SOX6: variants seen among roughly 807,000 people sequenced by gnomAD.
The protein encoded by SOX6 is transcription factor SOX-6.
Under a neutral mutation model 97.8 loss-of-function variants are expected in SOX6, and 11 were observed. That is an observed-to-expected ratio of 0.11 (90% CI 0.07 to 0.19). The LOEUF is 0.19. SOX6 is among the 10% of genes least tolerant of loss of function. The pLI is 1.00. For synonymous variants in SOX6, 360 were observed against 371.4 expected, an observed-to-expected ratio of 0.97 and a Z score of 0.35; for missense variants, 810 against 1,039.5, an observed-to-expected ratio of 0.78 and a Z score of 3.04.
chr11:16,518,142 A>C (rs1366035683), intron 4 of SOX6, among the ~76,000 whole-genome samples: 1 of 152,164 alleles, frequency 6.6e-6, no homozygotes, highest in Admixed American at 6.5e-5. Flanking sequence ...GTCCTGTTAA[A>C]GGCTTTCATA....
At chr11:16,642,101 G>C (rs1246596520) in intron 3 of SOX6, among the ~76,000 whole-genome samples, 3 of 152,224 alleles carry the variant, frequency 2.0e-5, no homozygotes, top group South Asian at 4.2e-4. Context: ...GGGCAGGCCT[G>C]GTGGTGACAA....
At chr11:16,693,315 A>G (rs898577382) in intron 3 of SOX6, among the ~76,000 whole-genome samples, 1 of 152,072 alleles carries the variant, frequency 6.6e-6, no homozygotes, top group African/African-American at 2.4e-5. Flanking sequence ...CTCATTATTT[A>G]TCTTTGGTGG....
At chr11:16,494,341 A>T (rs1860559714) in intron 4 of SOX6, among the ~76,000 whole-genome samples, 1 of 152,158 alleles carries the variant, frequency 6.6e-6, no homozygotes. Context: ...CCGCCATTGC[A>T]CTCCAGCCTG....
intron 15 of SOX6, among the ~76,000 whole-genome samples, chr11:15,979,039 T>C (rs559121163): frequency 1.6e-5 from 1 of 63,986 alleles, no homozygotes; most frequent in South Asian, 4.0e-4. Flanking sequence ...TATATATATT[T>C]TACATATATA....
At chr11:16,487,729 G>A (rs552043843) in intron 4 of SOX6, among the ~76,000 whole-genome samples, 41 of 152,280 alleles carry the variant, frequency 2.7e-4, no homozygotes, top group African/African-American at 9.4e-4. Flanking sequence ...ATTAAATCAA[G>A]ATAAATTTAA....
intron 3 of SOX6, among the ~76,000 whole-genome samples, chr11:16,284,492 T>C (rs981404608): frequency 6.6e-6 from 1 of 152,172 alleles, no homozygotes; most frequent in African/African-American, 2.4e-5. Flanking sequence ...TTCTATTATA[T>C]AGTTTAACAT....
intron 4 of SOX6, among the ~76,000 whole-genome samples, chr11:16,483,822 G>A (rs560180302): frequency 9.8e-5 from 15 of 152,330 alleles, no homozygotes; most frequent in African/African-American, 3.6e-4. Flanking sequence ...GTTGAGTGAG[G>A]TGGTCATATC....
chr11:16,349,689 G>GAAGA (rs1856867615), intron 1 of SOX6, among the ~76,000 whole-genome samples: 1 of 58,164 alleles, frequency 1.7e-5, no homozygotes, highest in African/African-American at 5.6e-5. Context: ...AGGAAGGAAG[G>GAAGA]AAGGAAGGAA....
chr11:16,106,770 G>C (rs1849098502), intron 7 of SOX6, among the ~76,000 whole-genome samples: 2 of 151,988 alleles, frequency 1.3e-5, no homozygotes, highest in South Asian at 4.1e-4. Flanking sequence ...AAGAACTTTA[G>C]TGTATAAAAA....
intron 1 of SOX6, among the ~76,000 whole-genome samples, chr11:16,440,332 G>T (rs1010597806): frequency 3.3e-5 from 5 of 152,154 alleles, no homozygotes. Context: ...AAATTACCAT[G>T]TTATTATATG....
At chr11:16,196,264 CA>C (rs1851771477) in intron 4 of SOX6, among the ~76,000 whole-genome samples, 1 of 152,086 alleles carries the variant, frequency 6.6e-6, no homozygotes, top group Non-Finnish European at 1.5e-5. Flanking sequence ...GCAGCTTGCC[CA>C]AATCCTTAGC....
intron 3 of SOX6, among the ~76,000 whole-genome samples, chr11:16,683,479 T>C (rs1321225283): frequency 6.6e-6 from 1 of 152,082 alleles, no homozygotes; most frequent in Non-Finnish European, 1.5e-5. Flanking sequence ...AAACAAGAAA[T>C]GGGGAAAGGA....
intron 5 of SOX6, 105 bp from the exon 6 acceptor site, chr11:16,184,059 T>C: frequency 7.1e-6 from 7 of 986,806 alleles, no homozygotes; most frequent in East Asian, 2.6e-5. Context: ...CGCACCTCTA[T>C]GTGAAAGAGT....
At chr11:16,376,903 G>A (rs1309816389) in intron 1 of SOX6, among the ~76,000 whole-genome samples, 1 of 151,844 alleles carries the variant, frequency 6.6e-6, no homozygotes, top group African/African-American at 2.4e-5. Flanking sequence ...GAATTGGGGT[G>A]ACAGGGAATA....
At position 16,341,182 on chromosome 11, in the gene SOX6, C is replaced by A. The variant is rs748308456; in HGVS notation, c.67G>T (p.Asp23Tyr). ...TCTTCCTTTTCCCTTGAGGTTAAATCCTGGGTCATTGCATCCTCTCCATCA... is the reference window on the plus strand; with the variant it reads ...TCTTCCTTTTCCCTTGAGGTTAAATACTGGGTCATTGCATCCTCTCCATCA... ...AADGEDAMTQ[D>Y]LTSREKEEGS... Residue 23 changes from aspartate (D) to tyrosine (Y), a missense_variant, in exon 2 of 16, where the codon GAT (aspartate) becomes TAT (tyrosine). Physicochemically the swap from Asp to Tyr is radical, Grantham distance 160. This residue lies in a region of SOX6 where 100 missense variants were observed against 94.6 expected (regional missense o/e 1.06). Transcript: ENST00000683767. 5.0e-6 allele frequency: 8 copies of A among 1,613,360 alleles called. No individual in the cohort carries two copies. Among genetic ancestry groups the A allele is most frequent in the Admixed American group, 1.7e-5 (1 of 59,920 alleles).
chr11:16,676,993 C>A (rs1449460402), intron 3 of SOX6, among the ~76,000 whole-genome samples: 1 of 152,086 alleles, frequency 6.6e-6, no homozygotes, highest in Non-Finnish European at 1.5e-5. Context: ...ACTCTTTCCC[C>A]AGCCTTTCTT....
At chr11:16,582,427 T>A (rs1235982882) in intron 4 of SOX6, among the ~76,000 whole-genome samples, 1 of 152,202 alleles carries the variant, frequency 6.6e-6, no homozygotes, top group Non-Finnish European at 1.5e-5. Flanking sequence ...ATATTTCTTA[T>A]AGTAGACCCT....
At chr11:16,400,850 A>G (rs750211042) in intron 1 of SOX6, among the ~76,000 whole-genome samples, 1 of 151,518 alleles carries the variant, frequency 6.6e-6, no homozygotes, top group Non-Finnish European at 1.5e-5. Flanking sequence ...TGAAATAATA[A>G]GGTAAAATTA....
chr11:16,404,020 G>C (rs1390465104), intron 1 of SOX6, among the ~76,000 whole-genome samples: 5 of 151,752 alleles, frequency 3.3e-5, no homozygotes, highest in African/African-American at 9.7e-5. Flanking sequence ...AGGATTCTTA[G>C]CTGTAGAAAA....
Sources: gnomAD v4.1 joint callset for allele counts (sites outside exome capture counted in the v4.1 genomes callset) on GRCh38, gnomAD v4.1.1 for gene constraint, gnomAD v4.1.1 regional missense constraint, MANE v1.5 for transcripts, NCBI Gene and HGNC (gene_info 2026-07-23, HGNC 2026-07-21) for gene names.